PARVA: variants seen among roughly 807,000 people sequenced by gnomAD.
The protein encoded by PARVA is parvin alpha.
PARVA carries 25 observed loss-of-function variants against 52.6 expected under a neutral mutation model. The ratio of observed to expected loss-of-function variants is 0.48; its 90% CI spans 0.35 to 0.66. The LOEUF is 0.66. Among genes scored for constraint, PARVA ranks in the 30% least tolerant of loss-of-function variants. PARVA has a pLI of 0.01. For missense variants in PARVA, 373 were observed against 450.9 expected (o/e 0.83, Z 1.56); for synonymous variants, 185 against 179.1 (o/e 1.03, Z -0.26).
chr11:12,495,033 A>G (rs1941281086), intron 4 of PARVA, among the ~76,000 whole-genome samples: 1 of 152,242 alleles, frequency 6.6e-6, no homozygotes, highest in Non-Finnish European at 1.5e-5. Flanking sequence ...AAAAAGTGAA[A>G]GAAAATAACT....
intron 4 of PARVA, among the ~76,000 whole-genome samples, chr11:12,488,810 C>G (rs1941195340): frequency 1.3e-5 from 2 of 152,122 alleles, no homozygotes; most frequent in South Asian, 4.1e-4. Context: ...CAAGTTGTCC[C>G]AGGTCACTAG....
intron 1 of PARVA, among the ~76,000 whole-genome samples, chr11:12,397,904 C>A (rs951237919): frequency 6.6e-6 from 1 of 150,528 alleles, no homozygotes; most frequent in Non-Finnish European, 1.5e-5. Context: ...AGATTTCTGA[C>A]GAGAGGAGGA....
In PARVA at chr11:12,377,572, G is replaced by C; in HGVS notation, c.-76G>C. 1 of 1,498,264 alleles carries C rather than the reference G, an allele frequency of 6.7e-7. No homozygotes were observed. The highest frequency in any genetic ancestry group is 8.9e-7 in the Non-Finnish European group (1 of 1,124,038). The allele number at this position is 1,498,264 out of a possible 1,614,324, so 92.8% of individuals were successfully genotyped here. A position where few individuals can be genotyped will look rare whatever the true frequency, so the allele number is the denominator to read the frequency against. On this transcript the variant is annotated 5_prime_UTR_variant, in exon 1 of 13. Coordinates refer to ENST00000334956, the MANE Select transcript of PARVA (RefSeq NM_018222.5). ...TTCCGTTTGGAAAGCCGCAGCCTCAGTCCCGCCGCCGCCCGCTGCGTCCGC... is the reference window on the plus strand; with the variant it reads ...TTCCGTTTGGAAAGCCGCAGCCTCACTCCCGCCGCCGCCCGCTGCGTCCGC...
chr11:12,398,044 C>T (rs920927245), intron 1 of PARVA, among the ~76,000 whole-genome samples: 1 of 152,122 alleles, frequency 6.6e-6, no homozygotes, highest in Non-Finnish European at 1.5e-5. Context: ...TGCCAGTGTC[C>T]TTCCCTCTGC....
chr11:12,490,438 T>C (rs1401150342), intron 4 of PARVA, among the ~76,000 whole-genome samples: 1 of 143,550 alleles, frequency 7.0e-6, no homozygotes, highest in African/African-American at 2.6e-5. Context: ...GGCAGGAGAA[T>C]CACTTGAGGT....
chr11:12,532,072 C>G lies in PARVA; in HGVS notation c.*4147C>G, dbSNP rs1941778601. On this transcript the variant is annotated 3_prime_UTR_variant, in exon 13 of 13. Transcript: ENST00000334956. ...TCTGCTTATAGCCCATGCTTTACTA[C>G]AGTGGTGGTCGCATATGTGAACGTG... Among the ~76,000 whole-genome samples, 1 of 152,208 alleles carries G rather than the reference C, an allele frequency of 6.6e-6. No individual in the cohort carries two copies. The highest frequency in any genetic ancestry group is 1.9e-4 in the East Asian group (1 of 5,200).
intron 1 of PARVA, among the ~76,000 whole-genome samples, chr11:12,469,432 AGAG>A (rs1940901174): frequency 6.6e-6 from 1 of 152,164 alleles, no homozygotes; most frequent in Admixed American, 6.5e-5. Context: ...TTAGATTGTT[AGAG>A]GAGGTTCAGT....
intron 1 of PARVA, among the ~76,000 whole-genome samples, chr11:12,456,731 G>T (rs550639445): frequency 8.5e-5 from 13 of 152,142 alleles, no homozygotes; most frequent in Middle Eastern, 3.4e-3. Flanking sequence ...AGCAACTGAA[G>T]CATGTCCTCC....
At chr11:12,433,673 G>T (rs1236596961) in intron 1 of PARVA, among the ~76,000 whole-genome samples, 3 of 152,196 alleles carry the variant, frequency 2.0e-5, no homozygotes, top group Non-Finnish European at 2.9e-5. Context: ...AGACCTTAGA[G>T]GTTGTTGTTT....
At chr11:12,504,606 T>C (rs1296782131) in intron 6 of PARVA, among the ~76,000 whole-genome samples, 177 bp downstream of exon 6, 1 of 152,290 alleles carries the variant, frequency 6.6e-6, no homozygotes, top group South Asian at 2.1e-4. Flanking sequence ...CTTCCCCTGG[T>C]AAGTGTACAC....
At chr11:12,449,585 C>T (rs538621434) in intron 1 of PARVA, among the ~76,000 whole-genome samples, 5 of 152,290 alleles carry the variant, frequency 3.3e-5, no homozygotes, top group Non-Finnish European at 5.9e-5. Context: ...GTTCTAGCTC[C>T]GCATTCTTCT....
At position 12,382,872 on chromosome 11, in the gene PARVA, A is replaced by T. The variant is rs567713881; in HGVS notation, c.136+5089A>T. 2.6e-5 allele frequency among the ~76,000 whole-genome samples: 4 copies of T among 152,370 alleles called. No individual in the cohort carries two copies. The South Asian group carries it at 8.3e-4, about 32-fold the overall frequency. ...TTGTGAGGTTTAAATGAGATCGAGAATGTAAAATGCATTGCATGGCACAAG... is the reference window on the plus strand; with the variant it reads ...TTGTGAGGTTTAAATGAGATCGAGATTGTAAAATGCATTGCATGGCACAAG... On this transcript the variant is annotated intron_variant, in intron 1 of 12. Coordinates refer to ENST00000334956, the MANE Select transcript of PARVA (RefSeq NM_018222.5).
chr11:12,499,948 T>A (rs539356230), intron 5 of PARVA, among the ~76,000 whole-genome samples: 3 of 152,302 alleles, frequency 2.0e-5, no homozygotes, highest in African/African-American at 7.2e-5. Flanking sequence ...ATTGTATGGA[T>A]CTACCATAAT....
chr11:12,408,101 T>C (rs1939940303), intron 1 of PARVA, among the ~76,000 whole-genome samples: 1 of 152,244 alleles, frequency 6.6e-6, no homozygotes, highest in South Asian at 2.1e-4. Flanking sequence ...TTCTAAGGTC[T>C]GCACCTTTGC....
chr11:12,453,985 A>C (rs1282937251), intron 1 of PARVA, among the ~76,000 whole-genome samples: 1 of 152,166 alleles, frequency 6.6e-6, no homozygotes, highest in Non-Finnish European at 1.5e-5. Context: ...TAACGGATGA[A>C]TGTATAAACC....
intron 1 of PARVA, among the ~76,000 whole-genome samples, chr11:12,390,604 C>T (rs896930109): frequency 1.3e-5 from 2 of 152,178 alleles, no homozygotes; most frequent in African/African-American, 4.8e-5. Context: ...GGAATTAGAA[C>T]TCCTGGCCCT....
At chr11:12,469,640 C>T (rs1045953667) in intron 1 of PARVA, among the ~76,000 whole-genome samples, 2 of 152,210 alleles carry the variant, frequency 1.3e-5, no homozygotes, top group African/African-American at 4.8e-5. Flanking sequence ...CAGGCCTGCA[C>T]TGGGCAGTTT....
intron 11 of PARVA, 84 bp from the exon 12 acceptor site, chr11:12,518,361 T>G: frequency 1.0e-6 from 1 of 985,896 alleles, no homozygotes; most frequent in African/African-American, 1.6e-5. Flanking sequence ...CTGGCTACAG[T>G]GCTGGGCTCC....
chr11:12,387,555 G>A (rs996453225), intron 1 of PARVA, among the ~76,000 whole-genome samples: 6 of 7,868 alleles, frequency 7.6e-4, no homozygotes, highest in Admixed American at 3.5e-3. Flanking sequence ...ATTTTTGAGC[G>A]TGTGTGTGTG....
Sources: allele counts gnomAD v4.1 joint callset (sites outside exome capture counted in the v4.1 genomes callset), GRCh38; gene constraint gnomAD v4.1.1; transcripts MANE v1.5; gene names NCBI Gene and HGNC (gene_info 2026-07-23, HGNC 2026-07-21).